The following AKAP6 variants were observed in gnomAD, a reference collection of about 807,000 sequenced individuals.
The protein encoded by AKAP6 is A-kinase anchor protein 6.
AKAP6 carries 58 observed loss-of-function variants against 188.5 expected under a neutral mutation model. The observed-to-expected ratio is 0.31, with a 90% CI of 0.25 to 0.38. The LOEUF (loss-of-function observed/expected upper bound fraction) is 0.38. Ranked by LOEUF, AKAP6 falls within the 10% of genes least tolerant of loss-of-function variation. The pLI is 1.00. For synonymous variants in AKAP6, 989 were observed against 998.6 expected (o/e 0.99, Z 0.18); for missense variants, 2,710 against 2,740.0 (o/e 0.99, Z 0.24).
intron 12 of AKAP6, among the ~76,000 whole-genome samples, chr14:32,812,003 T>G (rs1261275812): frequency 6.6e-6 from 1 of 152,200 alleles, no homozygotes; most frequent in Non-Finnish European, 1.5e-5. Context: ...TGTAAGTTTT[T>G]ATTAACGTAA....
intron 7 of AKAP6, among the ~76,000 whole-genome samples, chr14:32,629,536 A>G (rs1887168087): frequency 6.6e-6 from 1 of 151,552 alleles, no homozygotes; most frequent in African/African-American, 2.4e-5. Context: ...GGGCGCTTGA[A>G]CTAGCCACAC....
chr14:32,579,680 C>G (rs1884879430), intron 5 of AKAP6, among the ~76,000 whole-genome samples: 1 of 152,020 alleles, frequency 6.6e-6, no homozygotes, highest in Admixed American at 6.6e-5. Flanking sequence ...CTTAGTTTTC[C>G]TGTTTCCATA....
At chr14:32,402,730 T>A (rs1359849867) in intron 1 of AKAP6, among the ~76,000 whole-genome samples, 1 of 102,862 alleles carries the variant, frequency 9.7e-6, no homozygotes, top group Non-Finnish European at 1.9e-5. Flanking sequence ...GGTTGGTTGA[T>A]TTTTTTTTTT....
At chr14:32,461,539 A>G (rs1297659380) in intron 2 of AKAP6, among the ~76,000 whole-genome samples, 1 of 152,164 alleles carries the variant, frequency 6.6e-6, no homozygotes, top group Non-Finnish European at 1.5e-5. Context: ...ATCAACATCA[A>G]CATAAAGGAC....
chr14:32,535,457 A>G, intron 2 of AKAP6, 97 bp from the exon 3 acceptor site: 1 of 1,392,336 alleles, frequency 7.2e-7, no homozygotes. Context: ...TGGCCCTGAT[A>G]ATTGGTGTTA....
intron 1 of AKAP6, among the ~76,000 whole-genome samples, chr14:32,346,013 G>T (rs3784172): frequency 0.13 from 19,382 of 152,116 alleles, 1,313 homozygotes; most frequent in South Asian, 0.18. Context: ...GTAAAAATCT[G>T]AAAGGTTAAA....
Position 32,341,792 on chromosome 14 carries a change from G to A in AKAP6, c.-35+12384G>A, listed in dbSNP as rs183617296. Reference sequence around the variant, plus strand: ...GCCATCATTTTAGGGAAGCTCAGGAGGGAGGATTGTTTGAGTACAGGAGTT... The same window carrying A: ...GCCATCATTTTAGGGAAGCTCAGGAAGGAGGATTGTTTGAGTACAGGAGTT... On this transcript the variant is annotated intron_variant, in intron 1 of 13. Coordinates refer to ENST00000280979, the MANE Select transcript of AKAP6 (RefSeq NM_004274.5). Among the ~76,000 whole-genome samples, 13 of 152,288 alleles carry A rather than the reference G, an allele frequency of 8.5e-5. No individual in the cohort carries two copies. In the East Asian group the frequency reaches 2.3e-3, roughly 27 times the overall value.
chr14:32,721,961 T>C (rs116301741), intron 9 of AKAP6, among the ~76,000 whole-genome samples: 1,649 of 152,310 alleles, frequency 0.011, 15 homozygotes, highest in Middle Eastern at 0.037. Context: ...CCTGAACACC[T>C]CTGATGAATG....
At chr14:32,337,830 G>C (rs10151233) in intron 1 of AKAP6, among the ~76,000 whole-genome samples, 32,133 of 151,344 alleles carry the variant, frequency 0.21, 3,729 homozygotes, top group East Asian at 0.37. Context: ...GAAAGGCAGA[G>C]GATGGAGAAA....
At chr14:32,803,087 C>G (rs1467646520) in intron 12 of AKAP6, among the ~76,000 whole-genome samples, 1 of 151,918 alleles carries the variant, frequency 6.6e-6, no homozygotes, top group Non-Finnish European at 1.5e-5. Context: ...GAGTCTCTGT[C>G]TTAAAAAAGA....
chr14:32,732,646 T>G (rs764818736), intron 10 of AKAP6, 46 bp downstream of exon 10: 81 of 1,600,346 alleles, frequency 5.1e-5, no homozygotes, highest in Middle Eastern at 3.3e-4. Context: ...GTACATTTTT[T>G]GCGTAGTGAA....
chr14:32,456,939 A>T (rs1891164312), intron 2 of AKAP6, among the ~76,000 whole-genome samples: 1 of 152,242 alleles, frequency 6.6e-6, no homozygotes, highest in Middle Eastern at 3.2e-3. Flanking sequence ...TCTTCAAAAT[A>T]CTTTTAAAAC....
intron 4 of AKAP6, among the ~76,000 whole-genome samples, chr14:32,569,550 T>C (rs1166281335): frequency 1.3e-5 from 2 of 152,156 alleles, no homozygotes; most frequent in Non-Finnish European, 2.9e-5. Flanking sequence ...GCACATTAAG[T>C]ATATAGTTAG....
intron 4 of AKAP6, among the ~76,000 whole-genome samples, chr14:32,549,329 T>C (rs1457101602): frequency 2.0e-5 from 3 of 152,192 alleles, no homozygotes; most frequent in Admixed American, 2.0e-4. Flanking sequence ...GCAGTTCTTG[T>C]GAAGTACTAA....
At position 32,762,774 on chromosome 14, in the gene AKAP6, C is replaced by T. The variant is rs183200948; in HGVS notation, c.3373-10904C>T. On this transcript the variant is annotated intron_variant, in intron 11 of 13. Coordinates refer to ENST00000280979, the MANE Select transcript of AKAP6 (RefSeq NM_004274.5). Reference sequence around the variant, plus strand: ...TCATCCAAGGATCTTCAAGAATTTACAGTATTAATTAATAATCCTGGTTGC... The same window carrying T: ...TCATCCAAGGATCTTCAAGAATTTATAGTATTAATTAATAATCCTGGTTGC... Among the ~76,000 whole-genome samples the T allele has an allele frequency of 3.7e-4, 56 of 152,058 alleles. No individual in the cohort carries two copies. In the Middle Eastern group the frequency reaches 0.014, roughly 37 times the overall value.
intron 9 of AKAP6, among the ~76,000 whole-genome samples, chr14:32,723,717 TCC>T (rs2030691628): frequency 3.3e-5 from 5 of 152,144 alleles, no homozygotes; most frequent in African/African-American, 1.2e-4. Flanking sequence ...TGCTCTCCCA[TCC>T]TCCACAGTTC....
At chr14:32,678,010 G>C (rs1228578841) in intron 7 of AKAP6, among the ~76,000 whole-genome samples, 1 of 152,122 alleles carries the variant, frequency 6.6e-6, no homozygotes, top group East Asian at 1.9e-4. Flanking sequence ...ACATTATTAA[G>C]GAATTTCACA....
At chr14:32,365,891 G>C (rs1197430322) in intron 1 of AKAP6, among the ~76,000 whole-genome samples, 1 of 152,134 alleles carries the variant, frequency 6.6e-6, no homozygotes, top group Non-Finnish European at 1.5e-5. Context: ...TTCTGCCTTA[G>C]GGGACAGGTG....
At chr14:32,605,847 T>C (rs1458410831) in intron 7 of AKAP6, among the ~76,000 whole-genome samples, 1 of 152,208 alleles carries the variant, frequency 6.6e-6, no homozygotes, top group Non-Finnish European at 1.5e-5. Context: ...AGAATTCATC[T>C]TAGGTTTACT....
Sources: allele counts gnomAD v4.1 joint callset (sites outside exome capture counted in the v4.1 genomes callset), GRCh38; gene constraint gnomAD v4.1.1; transcripts MANE v1.5; gene names NCBI Gene and HGNC (gene_info 2026-07-23, HGNC 2026-07-21).